Variants in FOCAD observed in about 807,000 individuals in gnomAD.
The protein encoded by FOCAD is focadhesin, also known as KIAA1797.
In FOCAD, 198 loss-of-function variants were observed where a neutral mutation model predicts 225.6. The observed-to-expected ratio is 0.88, with a 90% CI of 0.78 to 0.99. FOCAD has a LOEUF of 0.99. FOCAD is among the 50% of genes least tolerant of loss of function. The pLI is 0.00. For synonymous variants in FOCAD, 897 were observed against 755.0 expected (o/e 1.19, Z -3.08); for missense variants, 2,713 against 2,123.6 (o/e 1.28, Z -5.46).
At chr9:20,679,155 G>GTGTA (rs1822324272) in intron 2 of FOCAD, among the ~76,000 whole-genome samples, 1 of 145,174 alleles carries the variant, frequency 6.9e-6, no homozygotes, top group African/African-American at 2.8e-5. Context: ...GTGTGTGTGT[G>GTGTA]TGTGTGTGTG....
At chr9:20,990,840 G>A (rs370240985) in intron 42 of FOCAD, among the ~76,000 whole-genome samples, 3 of 152,186 alleles carry the variant, frequency 2.0e-5, no homozygotes, top group East Asian at 3.8e-4. Context: ...TGGGTCGGGA[G>A]CATCCATCTT....
Position 20,695,900 on chromosome 9 carries a change from A to G in FOCAD, c.-33+11607A>G, listed in dbSNP as rs550542868. 6.5e-4 allele frequency among the ~76,000 whole-genome samples: 99 copies of G among 152,344 alleles called. 2 individuals are homozygous for G. In the South Asian group the frequency reaches 0.018, roughly 27 times the overall value. The stretch of plus-strand genomic sequence containing the variant: ...TTAACATTTGTTGTGTATAGTCAAG[A>G]TTGGCCCCAAATAAAATTGAGAAGC... On this transcript the variant is annotated intron_variant, in intron 1 of 43. Coordinates refer to ENST00000338382, the MANE Select transcript of FOCAD (RefSeq NM_001375567.1).
In FOCAD at chr9:20,929,591, A is replaced by G; in HGVS notation, c.3312A>G (p.Lys1104=). ...GMFLSRLCEE[K]LSDISGQEMN... ...TTCTCTCTCGCTTGTGTGAAGAGAA[A>G]CTCAGGTACAGTTTATTAAAATATT... The change falls in exon 27 of 44, where the codon AAA becomes AAG. Residue 1104 remains lysine (K), a synonymous_variant. Transcript: ENST00000338382. The G allele has an allele frequency of 6.2e-7, 1 of 1,612,456 alleles. No homozygotes were observed.
intron 43 of FOCAD, among the ~76,000 whole-genome samples, 196 bp from the exon 44 acceptor site, chr9:20,995,360 T>TA (rs371481104): frequency 0.011 from 589 of 52,480 alleles, 3 homozygotes; most frequent in African/African-American, 0.038. Context: ...CAGGGTAACT[T>TA]AAAAAAAAAA....
intron 22 of FOCAD, among the ~76,000 whole-genome samples, chr9:20,910,673 C>T (rs1304502966): frequency 6.6e-6 from 1 of 151,992 alleles, no homozygotes; most frequent in Admixed American, 6.6e-5. Context: ...ATTTTGCTCC[C>T]AGTATGTGTT....
intron 2 of FOCAD, among the ~76,000 whole-genome samples, chr9:20,671,571 G>A (rs1044465751): frequency 1.3e-5 from 2 of 151,928 alleles, no homozygotes; most frequent in Non-Finnish European, 2.9e-5. Flanking sequence ...TGCAAGGGAG[G>A]CATCATTCTC....
intron 5 of FOCAD, among the ~76,000 whole-genome samples, chr9:20,752,464 G>T (rs892148041): frequency 1.3e-5 from 2 of 152,118 alleles, no homozygotes; most frequent in African/African-American, 4.8e-5. Context: ...AGATCAGATA[G>T]TTGTAGATAT....
At chr9:20,850,373 T>G (rs984989103) in intron 15 of FOCAD, among the ~76,000 whole-genome samples, 1 of 151,816 alleles carries the variant, frequency 6.6e-6, no homozygotes, top group African/African-American at 2.4e-5. Flanking sequence ...AGAAATACAC[T>G]GTCGAGGAAG....
At chr9:20,665,880 AATT>A (rs1358546003) in intron 2 of FOCAD, among the ~76,000 whole-genome samples, 1 of 151,640 alleles carries the variant, frequency 6.6e-6, no homozygotes, top group Non-Finnish European at 1.5e-5. Context: ...AAAATACAAA[AATT>A]ATATATTTTA....
At chr9:20,950,531 C>A (rs958307833) in intron 33 of FOCAD, among the ~76,000 whole-genome samples, 4 of 152,060 alleles carry the variant, frequency 2.6e-5, no homozygotes, top group Non-Finnish European at 5.9e-5. Flanking sequence ...GAGAAAAAAT[C>A]TGTAAATGAA....
intron 28 of FOCAD, among the ~76,000 whole-genome samples, chr9:20,943,423 G>C (rs929513009): frequency 9.9e-5 from 15 of 151,378 alleles, no homozygotes; most frequent in Admixed American, 9.2e-4. Context: ...AGGGGCTTTG[G>C]GTTTGGCAGA....
In FOCAD at chr9:20,820,369, A is replaced by G. The variant is rs147380497; in HGVS notation, c.1606A>G (p.Thr536Ala). ...ACGAATAATACAACTACTTGGAACC[A>G]CACCACGACTAAGAGCTGTCACTTT... ...ILRIIQLLGT[T>A]PRLRAVTLRL... Residue 536 changes from threonine (T) to alanine (A), a missense_variant, in exon 13 of 44, where the codon ACA becomes GCA. Coordinates refer to ENST00000338382, the MANE Select transcript of FOCAD (RefSeq NM_001375567.1). The G allele has an allele frequency of 2.1e-5, 34 of 1,612,870 alleles. 1 individual carries two copies. The highest frequency in any genetic ancestry group is 1.7e-4 in the Middle Eastern group (1 of 6,048).
chr9:20,723,439 A>C (rs894801648), intron 4 of FOCAD, among the ~76,000 whole-genome samples: 1 of 152,236 alleles, frequency 6.6e-6, no homozygotes, highest in African/African-American at 2.4e-5. Context: ...AGCGAGCTGA[A>C]GCTGAAATTG....
At position 20,990,435 on chromosome 9, in the gene FOCAD, A is replaced by G. The variant is rs930236446; in HGVS notation, c.5256+61A>G. On this transcript the variant is annotated intron_variant, in intron 42 of 43. Coordinates refer to ENST00000338382, the MANE Select transcript of FOCAD (RefSeq NM_001375567.1). Reference sequence around the variant, plus strand: ...AGCCATTGTCTCTTCAGCAGTTTCTACTGTAGAATTGAGGTGGGAGTTAAG... The same window carrying G: ...AGCCATTGTCTCTTCAGCAGTTTCTGCTGTAGAATTGAGGTGGGAGTTAAG... 1.3e-5 allele frequency: 20 copies of G among 1,580,080 alleles called. No individual in the cohort carries two copies. The African/African-American group carries it at 1.9e-4, about 15-fold the overall frequency.
At chr9:20,800,952 C>G (rs1003504555) in intron 11 of FOCAD, among the ~76,000 whole-genome samples, 2 of 152,156 alleles carry the variant, frequency 1.3e-5, no homozygotes, top group African/African-American at 4.8e-5. Context: ...AGTTTTTCTG[C>G]TCTGTTTTTT....
chr9:20,929,783 T>G (rs1262468226), intron 27 of FOCAD, among the ~76,000 whole-genome samples, 187 bp downstream of exon 27: 1 of 152,206 alleles, frequency 6.6e-6, no homozygotes, highest in Non-Finnish European at 1.5e-5. Context: ...TACCATCGTG[T>G]AGGTATTAAT....
At chr9:20,908,066 A>G (rs1161023697) in intron 22 of FOCAD, among the ~76,000 whole-genome samples, 1 of 152,138 alleles carries the variant, frequency 6.6e-6, no homozygotes, top group African/African-American at 2.4e-5. Flanking sequence ...ATTATAAGTT[A>G]TAGTTTGTGA....
At chr9:20,697,137 A>G (rs1021859275) in intron 1 of FOCAD, among the ~76,000 whole-genome samples, 2 of 152,186 alleles carry the variant, frequency 1.3e-5, no homozygotes, top group East Asian at 1.9e-4. Flanking sequence ...ACCTCAATAA[A>G]TCTGGAAAAA....
Position 20,927,176 on chromosome 9 carries a change from A to G in FOCAD, c.3078+759A>G, listed in dbSNP as rs565852329. Among the ~76,000 whole-genome samples the G allele has an allele frequency of 7.9e-5, 12 of 152,234 alleles. No homozygotes were observed. In the South Asian group the frequency reaches 2.5e-3, roughly 32 times the overall value. The stretch of plus-strand genomic sequence containing the variant: ...GAGCTACAGTTGTAGTAGAATAAAC[A>G]TTGGCTGAAATGTGGGGACTCCAAG... On this transcript the variant is annotated intron_variant, in intron 26 of 43. Coordinates refer to ENST00000338382, the MANE Select transcript of FOCAD (RefSeq NM_001375567.1).
Sources: allele counts gnomAD v4.1 joint callset (sites outside exome capture counted in the v4.1 genomes callset), GRCh38; gene constraint gnomAD v4.1.1; transcripts MANE v1.5; gene names NCBI Gene and HGNC (gene_info 2026-07-23, HGNC 2026-07-21).